SPTBN2: variants seen among roughly 807,000 people sequenced by gnomAD.
SPTBN2 encodes spectrin beta chain, non-erythrocytic 2.
In SPTBN2, 107 loss-of-function variants were observed where a neutral mutation model predicts 284.2. The ratio of observed to expected loss-of-function variants is 0.38; its 90% confidence interval spans 0.32 to 0.44. The LOEUF (loss-of-function observed/expected upper bound fraction) is 0.44. Ranked by LOEUF, SPTBN2 falls within the 20% of genes least tolerant of loss-of-function variation. SPTBN2 has a pLI of 1.00. For missense variants in SPTBN2, 2,569 were observed against 3,287.1 expected, an observed-to-expected ratio of 0.78 and a Z score of 5.34; for synonymous variants, 1,289 against 1,354.8, an observed-to-expected ratio of 0.95 and a Z score of 1.07.
In SPTBN2 at chr11:66,695,925, C is replaced by T. The variant is rs571555877; in HGVS notation, c.4278+352G>A. Reference sequence around the variant, plus strand: ...CTAATTTTTGTATTTTTAGTAGAGACGGGGTTTCACCATGTTGGCCAGGCT... The same window carrying T: ...CTAATTTTTGTATTTTTAGTAGAGATGGGGTTTCACCATGTTGGCCAGGCT... On this transcript the variant is annotated intron_variant, in intron 21 of 37. Transcript: ENST00000533211. Among the ~76,000 whole-genome samples the T allele has an allele frequency of 1.5e-4, 23 of 152,122 alleles. No homozygotes were observed. In the South Asian group the frequency reaches 3.1e-3, roughly 21 times the overall value.
In SPTBN2 at chr11:66,686,097, A is replaced by G; in HGVS notation, c.6947T>C (p.Met2316Thr). ...YLFQAKDEAE[M>T]SSWLRVVNAA... ...ATTCACCACCCGTAGCCACGAGCTC[A>G]TCTCTGCCTGTGGATGGAAAGACCC... Residue 2316 changes from methionine (M) to threonine (T), a missense_variant, in exon 38 of 38, where the codon ATG (methionine) becomes ACG (threonine). Met to Thr is a moderately conservative substitution (Grantham distance 81). Transcript: ENST00000533211. 6.2e-7 allele frequency: 1 copy of G among 1,612,224 alleles called. No individual in the cohort carries two copies. Among genetic ancestry groups the G allele is most frequent in the Non-Finnish European group, 8.5e-7 (1 of 1,178,752 alleles).
chr11:66,722,947 C>T (rs1445705857), intron 1 of SPTBN2, among the ~76,000 whole-genome samples: 4 of 151,488 alleles, frequency 2.6e-5, no homozygotes, highest in East Asian at 3.9e-4. Flanking sequence ...GTCACGCAGC[C>T]GGAAGAAACA....
rs1326716201 is a variant in SPTBN2, at chr11:66,707,061, C to T, written c.1653+455G>A. Among the ~76,000 whole-genome samples the T allele has an allele frequency of 6.6e-6, 1 of 152,268 alleles. No individual in the cohort carries two copies. The highest frequency in any genetic ancestry group is 2.4e-5 in the African/African-American group (1 of 41,476). On this transcript the variant is annotated intron_variant, in intron 13 of 37. Coordinates refer to ENST00000533211, the MANE Select transcript of SPTBN2 (RefSeq NM_006946.4). This position sits in a 1 kb window ranked among gnomAD's most constrained non-coding sequence, Gnocchi z 4.9. ...GTCCATGGCCCCCACTCCTCATGCT[C>T]ACAGCCCACCGGCCTTCCTTCTGAT...
chr11:66,718,147 C>T lies in SPTBN2; in HGVS notation c.158-2166G>A, dbSNP rs971970577. On this transcript the variant is annotated intron_variant, in intron 3 of 37. Transcript: ENST00000533211. This position sits in a 1 kb window ranked among gnomAD's most constrained non-coding sequence, Gnocchi z 4.8. ...CCAGGTGCTGGCACCCCCACGCCCT[C>T]CATGGCTAGTTGCCTTTGCTCCATG... Among the ~76,000 whole-genome samples, 1 of 152,236 alleles carries T rather than the reference C, an allele frequency of 6.6e-6. No homozygotes were observed. Among genetic ancestry groups the T allele is most frequent in the Non-Finnish European group, 1.5e-5 (1 of 68,040 alleles).
In SPTBN2 at chr11:66,686,082, C is replaced by A; in HGVS notation, c.6962G>T (p.Arg2321Leu). 6.2e-7 allele frequency: 1 copy of A among 1,613,704 alleles called. No homozygotes were observed. The highest frequency in any genetic ancestry group is 1.1e-5 in the South Asian group (1 of 91,060). The change falls in exon 38 of 38, where the codon CGG becomes CTG. Residue 2321 changes from arginine (R) to leucine (L), a missense_variant. Transcript: ENST00000533211. Reference protein sequence around the residue: ...KDEAEMSSWLRVVNAAIATAS... With the variant: ...KDEAEMSSWLLVVNAAIATAS... ...TGTGGCAATGGCTGCATTCACCACC[C>A]GTAGCCACGAGCTCATCTCTGCCTG... is the stretch of plus-strand genomic sequence containing the variant.
intron 30 of SPTBN2, 58 bp downstream of exon 30, chr11:66,689,038 A>T (rs1940350875): frequency 6.4e-7 from 1 of 1,551,954 alleles, no homozygotes; most frequent in South Asian, 1.2e-5. Flanking sequence ...TCTGGAACCC[A>T]CAGGGTGCAG....
intron 15 of SPTBN2, among the ~76,000 whole-genome samples, chr11:66,704,197 C>T (rs1941399405): frequency 6.6e-6 from 1 of 152,026 alleles, no homozygotes; most frequent in Non-Finnish European, 1.5e-5. Context: ...TGGTCTCGAC[C>T]TCCTGACCTC....
rs1461501856 is a variant in SPTBN2, at chr11:66,705,317, A to G, written c.1959T>C (p.Ala653=). Residue 653 remains alanine, a synonymous_variant, in exon 15 of 38, where the codon GCT becomes GCC. Transcript: ENST00000533211. ...LWRFLWEVGE[A]EAWVREQQHL... The stretch of plus-strand genomic sequence containing the variant: ...GCTGCTGCTCCCGCACCCAGGCCTC[A>G]GCTTCACCCACCTCCCAGAGGAAAC... 6.2e-7 allele frequency: 1 copy of G among 1,608,184 alleles called. No homozygotes were observed. Among genetic ancestry groups the G allele is most frequent in the African/African-American group, 1.3e-5 (1 of 74,864 alleles).
rs576040719 is a variant in SPTBN2, at chr11:66,700,781, T to C, written c.3318A>G (p.Gln1106=). 4.1e-4 allele frequency: 657 copies of C among 1,601,788 alleles called. 12 individuals carry two copies. The South Asian group carries it at 6.9e-3, about 17-fold the overall frequency. ...TLPEAEALLA[Q]HAALRGEVER... ...CCACCTCTCCCCGCAGGGCTGCATG[T>C]TGGGCCAGGAGGGCCTCTGCCTCAG... The change falls in exon 17 of 38, where the codon CAA becomes CAG. Residue 1106 remains glutamine, a synonymous_variant. Transcript: ENST00000533211. This position sits in a 1 kb window ranked among gnomAD's most constrained non-coding sequence, Gnocchi z 6.6.
At chr11:66,694,775 T>C (rs1213493452) in intron 21 of SPTBN2, among the ~76,000 whole-genome samples, 3 of 152,364 alleles carry the variant, frequency 2.0e-5, no homozygotes, top group South Asian at 2.1e-4. Flanking sequence ...TTTGAGACAC[T>C]GGAACTGGCC....
intron 1 of SPTBN2, among the ~76,000 whole-genome samples, chr11:66,734,696 G>A (rs1046712291): frequency 6.6e-6 from 1 of 152,148 alleles, no homozygotes; most frequent in African/African-American, 2.4e-5. Context: ...TTTACAGCAT[G>A]AGCGCCATGA....
At chr11:66,722,869 C>T (rs191963516) in intron 1 of SPTBN2, among the ~76,000 whole-genome samples, 16 of 128,696 alleles carry the variant, frequency 1.2e-4, no homozygotes, top group African/African-American at 2.7e-4. Context: ...CTCCAGCCTG[C>T]GAGAGAGAGT....
chr11:66,710,845 C>A lies in SPTBN2; in HGVS notation c.885+72G>T. ...CCCAGTCCTGCAGCTCCACCCTGCC[C>A]TTGCACTAGGGCAGTAAGACCCCTC... is the stretch of plus-strand genomic sequence containing the variant. On this transcript the variant is annotated intron_variant, in intron 9 of 37. Coordinates refer to ENST00000533211, the MANE Select transcript of SPTBN2 (RefSeq NM_006946.4). The surrounding 1 kb of genome is among the most constrained non-coding windows in gnomAD (Gnocchi z 4.9). 6.2e-7 allele frequency: 1 copy of A among 1,611,338 alleles called. No individual in the cohort carries two copies. The highest frequency in any genetic ancestry group is 1.1e-5 in the South Asian group (1 of 90,946).
chr11:66,708,308 TG>T lies in SPTBN2; in HGVS notation c.1192-10del. The T allele has an allele frequency of 1.3e-6, 2 of 1,581,368 alleles. No individual in the cohort carries two copies. Among genetic ancestry groups the T allele is most frequent in the Non-Finnish European group, 1.7e-6 (2 of 1,160,010 alleles). ...TCCAGCCGCTCCCAAGCCTATGGGGTGGGGACAGGGTTAGTGGAAGGGACAG... is the reference window on the plus strand; with the variant it reads ...TCCAGCCGCTCCCAAGCCTATGGGGTGGGACAGGGTTAGTGGAAGGGACAG... On this transcript the variant is annotated splice_polypyrimidine_tract_variant and intron_variant, in intron 11 of 37. Transcript: ENST00000533211. The surrounding 1 kb of genome is among the most constrained non-coding windows in gnomAD (Gnocchi z 4.4).
At chr11:66,713,955 G>T in intron 7 of SPTBN2, 136 bp downstream of exon 7, 1 of 998,050 alleles carries the variant, frequency 1.0e-6, no homozygotes, top group Non-Finnish European at 1.6e-6. Flanking sequence ...GCACCCCCAT[G>T]TTCTGGTTCT....
chr11:66,688,173 C>G lies in SPTBN2; in HGVS notation c.6370G>C (p.Asp2124His), dbSNP rs1383294486. 1 of 1,613,462 alleles carries G rather than the reference C, an allele frequency of 6.2e-7. No individual in the cohort carries two copies. The highest frequency in any genetic ancestry group is 8.5e-7 in the Non-Finnish European group (1 of 1,180,042). The change falls in exon 32 of 38, where the codon GAC (aspartate) becomes CAC (histidine). Residue 2124 changes from aspartate to histidine, a missense_variant. Physicochemically the swap from Asp to His is moderately conservative, Grantham distance 81 (BLOSUM62 -1). Around this residue, in one of 6 missense-constraint regions of SPTBN2, gnomAD observed 1,130 missense variants for 1,317.3 expected, o/e 0.86. Coordinates refer to ENST00000533211, the MANE Select transcript of SPTBN2 (RefSeq NM_006946.4). ...CCCAGGCATCCTGGCTCTCACCCGTCCCAGGTGGTGTCAGAAGCTGTCTGG... is the reference window on the plus strand; with the variant it reads ...CCCAGGCATCCTGGCTCTCACCCGTGCCAGGTGGTGTCAGAAGCTGTCTGG... ...GGQTASDTTW[D>H]GTQPRPPPST...
chr11:66,687,148 A>G lies in SPTBN2; in HGVS notation c.6742T>C (p.Cys2248Arg). 1 of 1,613,998 alleles carries G rather than the reference A, an allele frequency of 6.2e-7. No homozygotes were observed. Among genetic ancestry groups the G allele is most frequent in the Non-Finnish European group, 8.5e-7 (1 of 1,180,028 alleles). The change falls in exon 36 of 38, where the codon TGT becomes CGT. Residue 2248 changes from cysteine (C) to arginine (R), a missense_variant. Cys to Arg is a radical substitution (Grantham distance 180). Transcript: ENST00000533211. This position sits in a 1 kb window ranked among gnomAD's most constrained non-coding sequence, Gnocchi z 5.2. The part of the protein sequence containing the change: ...AANRSWQNVY[C>R]VLRRGSLGFY... The stretch of plus-strand genomic sequence containing the variant: ...CCGAGGCTCCCACGCCGCAGGACAC[A>G]GTACACGTTCTGCCAGGACCTGCGA...
chr11:66,715,746 C>T lies in SPTBN2; in HGVS notation c.309+84G>A. The T allele has an allele frequency of 6.4e-7, 1 of 1,564,440 alleles. No homozygotes were observed. Among genetic ancestry groups the T allele is most frequent in the African/African-American group, 1.4e-5 (1 of 73,784 alleles). On this transcript the variant is annotated intron_variant, in intron 4 of 37. Transcript: ENST00000533211. This position sits in a 1 kb window ranked among gnomAD's most constrained non-coding sequence, Gnocchi z 5.3. ...CACTGCTTCCCGCCCTGTGCCGTCA[C>T]TCTCTCTGAGGGCTGTTCTTCCAGC...
Position 66,704,785 on chromosome 11 carries a change from C to G in SPTBN2, c.2491G>C (p.Glu831Gln), listed in dbSNP as rs1375801185. ...PEVQSRVPTL[E>Q]RHYEELQARA... Reference sequence around the variant, plus strand: ...GCCTGCAGCTCCTCGTAGTGCCGCTCCAGGGTGGGCACCCGGCTCTGCACC... The same window carrying G: ...GCCTGCAGCTCCTCGTAGTGCCGCTGCAGGGTGGGCACCCGGCTCTGCACC... The change falls in exon 15 of 38, where the codon GAG (glutamate) becomes CAG (glutamine). Residue 831 changes from glutamate to glutamine, a missense_variant. Coordinates refer to ENST00000533211, the MANE Select transcript of SPTBN2 (RefSeq NM_006946.4). 1 of 1,604,068 alleles carries G rather than the reference C, an allele frequency of 6.2e-7. No individual in the cohort carries two copies. The highest frequency in any genetic ancestry group is 8.5e-7 in the Non-Finnish European group (1 of 1,177,428).
Sources: gnomAD v4.1 joint callset for allele counts (sites outside exome capture counted in the v4.1 genomes callset) on GRCh38, gnomAD v4.1.1 for gene constraint, gnomAD v4.1.1 regional missense constraint, Gnocchi (gnomAD v3.1) non-coding constraint, MANE v1.5 for transcripts, NCBI Gene and HGNC (gene_info 2026-07-23, HGNC 2026-07-21) for gene names.